MAOB: variants seen among roughly 807,000 people sequenced by gnomAD.
MAOB encodes the protein amine oxidase [flavin-containing] B.
In MAOB, 15 loss-of-function variants were observed where a neutral mutation model predicts 41.9. The observed-to-expected ratio is 0.36, with a 90% confidence interval of 0.24 to 0.55. The LOEUF is 0.55. Ranked by LOEUF, MAOB falls within the 20% of genes least tolerant of loss-of-function variation. The pLI, the probability that MAOB is intolerant of heterozygous loss-of-function variation, is 0.86. For synonymous variants in MAOB, 167 were observed against 144.2 expected (o/e 1.16, Z -1.13); for missense variants, 345 against 398.7 (o/e 0.87, Z 1.15).
intron 1 of MAOB, among the ~76,000 whole-genome samples, chrX:43,875,110 G>A (rs1256868809): frequency 1.8e-5 from 2 of 111,851 alleles, no homozygotes; most frequent in Non-Finnish European, 3.8e-5. Flanking sequence ...CATTTTGTGA[G>A]CATGAAAACA....
intron 10 of MAOB, among the ~76,000 whole-genome samples, chrX:43,780,045 C>A (rs973655348): frequency 9.0e-6 from 1 of 111,396 alleles, no homozygotes; most frequent in Non-Finnish European, 1.9e-5. Context: ...TCATATTCTC[C>A]GTAGCCCCTA....
At chrX:43,857,165 A>AGAGAG (rs2035303039) in intron 1 of MAOB, among the ~76,000 whole-genome samples, 1 of 35,472 alleles carries the variant, frequency 2.8e-5, no homozygotes, top group African/African-American at 1.4e-4. Context: ...AGAGAGAGAG[A>AGAGAG]AGAAGAGAGA....
intron 7 of MAOB, 82 bp from the exon 8 acceptor site, chrX:43,793,660 T>C: frequency 1.2e-6 from 1 of 821,707 alleles, no homozygotes; most frequent in Non-Finnish European, 1.7e-6. Context: ...ATTCTATCGT[T>C]ATATTCTTTT....
At chrX:43,853,880 G>A (rs780023730) in intron 1 of MAOB, among the ~76,000 whole-genome samples, 2 of 112,375 alleles carry the variant, frequency 1.8e-5, no homozygotes, top group Admixed American at 9.4e-5. Flanking sequence ...CCAGCCTCCA[G>A]AACCATATGA....
chrX:43,824,053 C>T (rs936464332), intron 3 of MAOB, among the ~76,000 whole-genome samples: 10 of 112,207 alleles, frequency 8.9e-5, no homozygotes, highest in Admixed American at 2.8e-4. Context: ...AGTGTAGTTT[C>T]GAAGTGCTCC....
intron 6 of MAOB, 66 bp downstream of exon 6, chrX:43,797,059 G>C: frequency 1.9e-6 from 2 of 1,066,015 alleles, no homozygotes; most frequent in Non-Finnish European, 2.5e-6. Context: ...CATGATTGAA[G>C]GATGATGATC....
intron 1 of MAOB, among the ~76,000 whole-genome samples, chrX:43,877,162 G>A (rs972467148): frequency 8.9e-6 from 1 of 112,194 alleles, no homozygotes; most frequent in Non-Finnish European, 1.9e-5. Context: ...TGCCCAAGGT[G>A]GCACAGCTAG....
At chrX:43,866,230 G>A (rs915615791) in intron 1 of MAOB, among the ~76,000 whole-genome samples, 5 of 111,575 alleles carry the variant, frequency 4.5e-5, no homozygotes, top group Non-Finnish European at 9.4e-5. Context: ...AATACACCAG[G>A]CTGTTAACAC....
chrX:43,806,075 G>C (rs779748812), intron 3 of MAOB, among the ~76,000 whole-genome samples: 1 of 112,470 alleles, frequency 8.9e-6, no homozygotes, highest in Non-Finnish European at 1.9e-5. Context: ...AGATAGTACA[G>C]AAAGTTCCCA....
chrX:43,850,420 ATC>A (rs2035242491), intron 1 of MAOB: 1 of 746,777 alleles, frequency 1.3e-6, no homozygotes, highest in Non-Finnish European at 1.6e-6. Flanking sequence ...TCTCCAGGGC[ATC>A]TCTACTGAAC....
At chrX:43,876,846 G>A (rs1376753254) in intron 1 of MAOB, among the ~76,000 whole-genome samples, 4 of 112,106 alleles carry the variant, frequency 3.6e-5, no homozygotes, top group Non-Finnish European at 7.5e-5. Flanking sequence ...GTGCATGCAC[G>A]CGTGTGTGTG....
chrX:43,844,412 A>C (rs2035176378), intron 1 of MAOB: 1 of 112,202 alleles, frequency 8.9e-6, no homozygotes. Context: ...TCTTAAAAAA[A>C]CCCACAGCTT....
intron 8 of MAOB, among the ~76,000 whole-genome samples, chrX:43,782,653 A>C (rs955810494): frequency 5.4e-5 from 6 of 111,666 alleles, no homozygotes; most frequent in African/African-American, 9.8e-5. Flanking sequence ...AGGCCAGCAT[A>C]ATCCTGATAC....
At chrX:43,834,842 A>G (rs1482577903) in intron 3 of MAOB, among the ~76,000 whole-genome samples, 5 of 112,849 alleles carry the variant, frequency 4.4e-5, no homozygotes, top group Non-Finnish European at 9.4e-5. Context: ...GGTTAAGACC[A>G]AAAAGTCCTT....
intron 1 of MAOB, among the ~76,000 whole-genome samples, chrX:43,852,010 G>A (rs764851628): frequency 4.5e-5 from 5 of 111,647 alleles, no homozygotes; most frequent in Non-Finnish European, 9.4e-5. Flanking sequence ...AACACCACCT[G>A]GTCAAGAAGA....
At chrX:43,776,381 G>T (rs2034256202) in intron 11 of MAOB, among the ~76,000 whole-genome samples, 1 of 112,270 alleles carries the variant, frequency 8.9e-6, no homozygotes, top group South Asian at 3.7e-4. Context: ...AAAATGATCA[G>T]CCTTTTTCAA....
At chrX:43,777,898 C>T (rs1016660577) in intron 11 of MAOB, among the ~76,000 whole-genome samples, 1 of 111,839 alleles carries the variant, frequency 8.9e-6, no homozygotes, top group Non-Finnish European at 1.9e-5. Flanking sequence ...TGATGAATGT[C>T]ATGAGAACAC....
intron 8 of MAOB, among the ~76,000 whole-genome samples, chrX:43,788,656 C>T (rs1040525072): frequency 3.4e-4 from 38 of 110,952 alleles, no homozygotes; most frequent in African/African-American, 1.1e-3. Flanking sequence ...ATTCAGTTGT[C>T]GAAAGGGGTT....
At chrX:43,792,092 A>G (rs2034470835) in intron 8 of MAOB, among the ~76,000 whole-genome samples, 1 of 112,641 alleles carries the variant, frequency 8.9e-6, no homozygotes, top group South Asian at 3.6e-4. Flanking sequence ...TGAATTAGAA[A>G]AGATTACTCA....
Sources: allele counts gnomAD v4.1 joint callset (sites outside exome capture counted in the v4.1 genomes callset), GRCh38; gene constraint gnomAD v4.1.1; transcripts MANE v1.5; gene names NCBI Gene and HGNC (gene_info 2026-07-23, HGNC 2026-07-21).